The following COG2 variants were observed in gnomAD, a reference collection of about 807,000 sequenced individuals.
COG2 encodes conserved oligomeric Golgi complex subunit 2.
Under a neutral mutation model 90.6 loss-of-function variants are expected in COG2, and 52 were observed. The observed-to-expected ratio is 0.57, with a 90% CI of 0.46 to 0.72. The LOEUF (loss-of-function observed/expected upper bound fraction) is 0.72. Among genes scored for constraint, COG2 ranks in the 30% least tolerant of loss-of-function variants. The pLI, the probability that COG2 is intolerant of heterozygous loss-of-function variation, is 0.00. For missense variants in COG2, 829 were observed against 891.2 expected, an observed-to-expected ratio of 0.93 and a Z score of 0.89; for synonymous variants, 337 against 320.4, an observed-to-expected ratio of 1.05 and a Z score of -0.55.
chr1:230,650,392 T>A (rs1661884318), intron 1 of COG2, among the ~76,000 whole-genome samples: 1 of 152,168 alleles, frequency 6.6e-6, no homozygotes, highest in Non-Finnish European at 1.5e-5. Context: ...TAATAAAAGC[T>A]GTTCTGATTG....
chr1:230,687,692 T>G (rs1420648377), intron 13 of COG2, among the ~76,000 whole-genome samples: 1 of 147,908 alleles, frequency 6.8e-6, no homozygotes, highest in Non-Finnish European at 1.5e-5. Flanking sequence ...TACACAATTC[T>G]GCTTTCCTCA....
At chr1:230,668,430 C>T (rs1418508876) in intron 5 of COG2, among the ~76,000 whole-genome samples, 1 of 151,646 alleles carries the variant, frequency 6.6e-6, no homozygotes, top group Non-Finnish European at 1.5e-5. Context: ...GCAGCATCAG[C>T]AGCTTGTACT....
intron 12 of COG2, among the ~76,000 whole-genome samples, chr1:230,686,316 C>T (rs554606411): frequency 3.8e-4 from 58 of 152,290 alleles, no homozygotes; most frequent in African/African-American, 1.3e-3. Context: ...CTGTATGATT[C>T]CCCTGACAGA....
chr1:230,685,527 TTAAAA>T (rs1358004511), intron 12 of COG2, among the ~76,000 whole-genome samples: 1 of 151,940 alleles, frequency 6.6e-6, no homozygotes, highest in African/African-American at 2.4e-5. Flanking sequence ...GCCTCCAAAT[TTAAAA>T]AAAGAAAAAG....
intron 1 of COG2, among the ~76,000 whole-genome samples, chr1:230,646,354 A>C (rs1661776004): frequency 6.6e-6 from 1 of 152,140 alleles, no homozygotes; most frequent in African/African-American, 2.4e-5. Flanking sequence ...TCAGTAGATC[A>C]AATGCTCCCT....
chr1:230,689,440 G>C (rs1486517091), intron 15 of COG2, among the ~76,000 whole-genome samples: 2 of 152,188 alleles, frequency 1.3e-5, no homozygotes, highest in Non-Finnish European at 2.9e-5. Context: ...CATTCACTCT[G>C]CTAGACACTT....
At chr1:230,654,824 T>C (rs1223550056) in intron 1 of COG2, among the ~76,000 whole-genome samples, 1 of 152,196 alleles carries the variant, frequency 6.6e-6, no homozygotes, top group Non-Finnish European at 1.5e-5. Context: ...CCCTTGTAAG[T>C]TGTATTCCTA....
intron 1 of COG2, among the ~76,000 whole-genome samples, chr1:230,647,468 A>G (rs574967801): frequency 3.2e-4 from 48 of 152,142 alleles, no homozygotes; most frequent in Non-Finnish European, 6.2e-4. Context: ...AGCTCTGCTG[A>G]GCACTCGTGT....
intron 8 of COG2, 106 bp downstream of exon 8, chr1:230,671,746 A>G (rs1367296478): frequency 9.9e-7 from 1 of 1,010,918 alleles, no homozygotes; most frequent in Middle Eastern, 2.5e-4. Flanking sequence ...ACTGTCTTGT[A>G]TGAATCCATT....
At chr1:230,649,936 A>G (rs1661872620) in intron 1 of COG2, among the ~76,000 whole-genome samples, 1 of 152,124 alleles carries the variant, frequency 6.6e-6, no homozygotes, top group Non-Finnish European at 1.5e-5. Context: ...ACATATACCC[A>G]TCATTTATGT....
chr1:230,691,804 G>C (rs1663038137), intron 17 of COG2: 2 of 450,926 alleles, frequency 4.4e-6, no homozygotes, highest in Non-Finnish European at 7.9e-6. Context: ...GTTGCCATCT[G>C]CTTGTTTCCC....
Position 230,679,059 on chromosome 1 carries a change from C to T in COG2, c.1166+7C>T. Reference sequence around the variant, plus strand: ...CTGTTTATTTTCAAATAAGGTTGGTCATCTATTCACCGCCCCCGCCCCGCA... The same window carrying T: ...CTGTTTATTTTCAAATAAGGTTGGTTATCTATTCACCGCCCCCGCCCCGCA... On this transcript the variant is annotated splice_region_variant and intron_variant, in intron 10 of 17. Coordinates refer to ENST00000366669, the MANE Select transcript of COG2 (RefSeq NM_007357.3). 6.2e-7 allele frequency: 1 copy of T among 1,610,332 alleles called. No homozygotes were observed. The highest frequency in any genetic ancestry group is 8.5e-7 in the Non-Finnish European group (1 of 1,177,090).
rs1158001028 is a variant in COG2, at chr1:230,688,493, A to C, written c.1725A>C (p.Leu575Phe). 1.2e-6 allele frequency: 2 copies of C among 1,614,024 alleles called. No homozygotes were observed. Among genetic ancestry groups the C allele is most frequent in the African/African-American group, 2.7e-5 (2 of 74,914 alleles). Residue 575 changes from leucine (L) to phenylalanine (F), a missense_variant, in exon 15 of 18, where the codon TTA becomes TTC. Transcript: ENST00000366669. The stretch of plus-strand genomic sequence containing the variant: ...TGAGTAGCAAGATCATCCAGGATTT[A>C]AGTGACTCTTGCTTCGGTTTCCTAA... Reference protein sequence around the residue: ...PSLSSKIIQDLSDSCFGFLKS... With the variant: ...PSLSSKIIQDFSDSCFGFLKS...
In COG2 at chr1:230,693,227, T is replaced by C. The variant is rs548542596; in HGVS notation, c.2116-65T>C. On this transcript the variant is annotated intron_variant, in intron 17 of 17. Coordinates refer to ENST00000366669, the MANE Select transcript of COG2 (RefSeq NM_007357.3). ...AGTAGAGGATGAAGATTTTCTTTCT[T>C]TTTTTTCCCCCCCCATATTCAGCTT... 5,577 of 970,170 alleles carry C rather than the reference T, an allele frequency of 5.7e-3. 200 individuals are homozygous for C. The African/African-American group carries it at 0.078, about 14-fold the overall frequency. The allele number at this position is 970,170 out of a possible 1,614,324, so 60.1% of individuals were successfully genotyped here.
At chr1:230,643,480 A>G (rs1661678925) in intron 1 of COG2, among the ~76,000 whole-genome samples, 1 of 152,220 alleles carries the variant, frequency 6.6e-6, no homozygotes, top group Non-Finnish European at 1.5e-5. Flanking sequence ...GACACCTTTT[A>G]GTAGCTGCTT....
intron 15 of COG2, among the ~76,000 whole-genome samples, chr1:230,688,874 C>T (rs533241129): frequency 1.7e-4 from 26 of 152,216 alleles, no homozygotes; most frequent in African/African-American, 6.0e-4. Flanking sequence ...ATTTTAAAGT[C>T]CTATACGTTT....
chr1:230,674,036 A>G (rs1469746319), intron 8 of COG2, among the ~76,000 whole-genome samples: 1 of 152,244 alleles, frequency 6.6e-6, no homozygotes, highest in East Asian at 1.9e-4. Flanking sequence ...TTACCTTGAA[A>G]TAGAGCAGAA....
intron 1 of COG2, among the ~76,000 whole-genome samples, chr1:230,643,834 A>G (rs531547504): frequency 6.6e-6 from 1 of 152,308 alleles, no homozygotes; most frequent in South Asian, 2.1e-4. Flanking sequence ...GAATCAACTC[A>G]TTGATCCAGA....
intron 9 of COG2, chr1:230,678,461 C>G: frequency 1.0e-6 from 1 of 985,050 alleles, no homozygotes; most frequent in Non-Finnish European, 1.2e-6. Context: ...AGTTTTCATG[C>G]TATCTTATTT....
Sources: allele counts gnomAD v4.1 joint callset (sites outside exome capture counted in the v4.1 genomes callset), GRCh38; gene constraint gnomAD v4.1.1; transcripts MANE v1.5; gene names NCBI Gene and HGNC (gene_info 2026-07-23, HGNC 2026-07-21).